Variants in SCN8A observed in about 807,000 individuals in gnomAD.
SCN8A encodes the protein sodium voltage-gated channel alpha subunit 8, also known as sodium channel protein type 8 subunit alpha.
A neutral mutation model predicts 184.1 loss-of-function variants in SCN8A; 30 were observed. The ratio of observed to expected loss-of-function variants is 0.16; its 90% CI spans 0.12 to 0.22. The LOEUF (loss-of-function observed/expected upper bound fraction) is 0.22. Among genes scored for constraint, SCN8A ranks in the 10% least tolerant of loss-of-function variants. The probability of loss-of-function intolerance (pLI) is 1.00; values close to 1 mark genes in which losing one functional copy is unlikely to be tolerated. For synonymous variants in SCN8A, 852 were observed against 907.0 expected (o/e 0.94, Z 1.09); for missense variants, 1,057 against 2,498.9 (o/e 0.42, Z 12.30).
intron 22 of SCN8A, chr12:51,788,450 T>C (rs1938150797): frequency 3.4e-6 from 1 of 293,056 alleles, no homozygotes; most frequent in African/African-American, 2.2e-5. Context: ...TTGAGTCCTT[T>C]CGTAAAGCCT....
intron 12 of SCN8A, among the ~76,000 whole-genome samples, chr12:51,732,383 T>C (rs977913696): frequency 4.6e-5 from 7 of 152,192 alleles, no homozygotes; most frequent in Non-Finnish European, 1.0e-4. Context: ...TCACTGTAGG[T>C]GTGTGGATTT....
chr12:51,776,201 G>A (rs762973706), intron 20 of SCN8A, among the ~76,000 whole-genome samples: 5 of 152,142 alleles, frequency 3.3e-5, no homozygotes, highest in Non-Finnish European at 7.4e-5. Flanking sequence ...TGTTGCCCAG[G>A]CTGGTCTGGA....
intron 12 of SCN8A, among the ~76,000 whole-genome samples, chr12:51,739,348 C>T (rs202025922): frequency 2.0e-5 from 3 of 152,002 alleles, no homozygotes; most frequent in East Asian, 3.9e-4. Flanking sequence ...AGGTGCCGCT[C>T]GAAGAGTCAC....
chr12:51,607,503 G>A (rs940153955), intron 1 of SCN8A, among the ~76,000 whole-genome samples: 1 of 152,096 alleles, frequency 6.6e-6, no homozygotes, highest in African/African-American at 2.4e-5. Flanking sequence ...TTGTCTTCTT[G>A]TTCCAGTTCT....
At chr12:51,749,545 A>G (rs888338359) in intron 13 of SCN8A, among the ~76,000 whole-genome samples, 4 of 152,176 alleles carry the variant, frequency 2.6e-5, no homozygotes, top group East Asian at 1.9e-4. Context: ...GGAGAAAACT[A>G]TATTTACCTT....
chr12:51,734,463 T>G (rs1036787372), intron 12 of SCN8A, among the ~76,000 whole-genome samples: 6 of 152,246 alleles, frequency 3.9e-5, no homozygotes, highest in African/African-American at 7.2e-5. Context: ...GTTGGGCTAG[T>G]TAACTGCAGC....
At chr12:51,643,906 T>C (rs2138636919) in intron 1 of SCN8A, among the ~76,000 whole-genome samples, 1 of 152,364 alleles carries the variant, frequency 6.6e-6, no homozygotes, top group Admixed American at 6.5e-5. Context: ...GCCTGGAATG[T>C]AGTAGACACT....
intron 1 of SCN8A, among the ~76,000 whole-genome samples, chr12:51,642,124 C>T (rs1035913391): frequency 2.0e-5 from 3 of 152,166 alleles, no homozygotes; most frequent in South Asian, 4.1e-4. Flanking sequence ...TTTTTATCAT[C>T]GCCATCATTA....
chr12:51,645,966 T>TAAA (rs1940579360), intron 1 of SCN8A, among the ~76,000 whole-genome samples: 1 of 100,570 alleles, frequency 9.9e-6, no homozygotes. Context: ...AAAAAAAAAA[T>TAAA]AATAATAAAA....
chr12:51,806,833 G>T lies in SCN8A; in HGVS notation c.5347G>T (p.Asp1783Tyr). The T allele has an allele frequency of 6.2e-7, 1 of 1,614,186 alleles. No individual in the cohort carries two copies. Among genetic ancestry groups the T allele is most frequent in the Non-Finnish European group, 8.5e-7 (1 of 1,180,032 alleles). Residue 1783 changes from aspartate (D) to tyrosine (Y), a missense_variant, in exon 27 of 27, where the codon GAT (aspartate) becomes TAT (tyrosine). Physicochemically the swap from Asp to Tyr is radical, Grantham distance 160. Around this residue, in one of 19 missense-constraint regions of SCN8A, gnomAD observed 50 missense variants for 125.8 expected, o/e 0.40. Coordinates refer to ENST00000627620, the MANE Select transcript of SCN8A (RefSeq NM_001330260.2). The surrounding 1 kb of genome is among the most constrained non-coding windows in gnomAD (Gnocchi z 8.7). ...GGAAAGTGCAGACCCTCTGAGTGAGGATGACTTTGAGACCTTCTATGAGAT... is the reference window on the plus strand; with the variant it reads ...GGAAAGTGCAGACCCTCTGAGTGAGTATGACTTTGAGACCTTCTATGAGAT... ...TEESADPLSE[D>Y]DFETFYEIWE...
intron 1 of SCN8A, among the ~76,000 whole-genome samples, chr12:51,602,081 T>G (rs1471626661): frequency 6.6e-6 from 1 of 152,070 alleles, no homozygotes; most frequent in Non-Finnish European, 1.5e-5. Context: ...TTCCACAGTT[T>G]AATCCTAGAA....
At position 51,598,050 on chromosome 12, in the gene SCN8A, T is replaced by C. The variant is rs143010601; in HGVS notation, c.-55+6691T>C. 8.6e-3 allele frequency among the ~76,000 whole-genome samples: 1,307 copies of C among 152,306 alleles called. 25 individuals carry two copies. Among genetic ancestry groups the C allele is most frequent in the African/African-American group, 0.029 (1,225 of 41,560 alleles). On this transcript the variant is annotated intron_variant, in intron 1 of 26. Coordinates refer to ENST00000627620, the MANE Select transcript of SCN8A (RefSeq NM_001330260.2). The stretch of plus-strand genomic sequence containing the variant: ...ATCACATTTGCTACAGATTTCTCAA[T>C]TGGATTTCCTGTGATTTGGTGAATA...
chr12:51,776,858 C>T (rs1440449669), intron 20 of SCN8A, among the ~76,000 whole-genome samples: 8 of 152,230 alleles, frequency 5.3e-5, no homozygotes, highest in Non-Finnish European at 8.8e-5. Flanking sequence ...AATTGATTTT[C>T]ATTCTTCCTT....
At chr12:51,748,671 G>A (rs1267771336) in intron 13 of SCN8A, among the ~76,000 whole-genome samples, 1 of 152,180 alleles carries the variant, frequency 6.6e-6, no homozygotes, top group Non-Finnish European at 1.5e-5. Flanking sequence ...CTCCCCTAGA[G>A]GTAACTGGCC....
chr12:51,737,186 A>G (rs1942340093), intron 12 of SCN8A, among the ~76,000 whole-genome samples: 1 of 152,194 alleles, frequency 6.6e-6, no homozygotes, highest in South Asian at 2.1e-4. Flanking sequence ...TAATTTAACA[A>G]TCCGAGTTTT....
At chr12:51,622,962 A>G (rs1939995634) in intron 1 of SCN8A, among the ~76,000 whole-genome samples, 1 of 152,044 alleles carries the variant, frequency 6.6e-6, no homozygotes, top group African/African-American at 2.4e-5. Flanking sequence ...ATACCATGCT[A>G]TTTATTTTCT....
At chr12:51,623,170 T>C (rs1332887808) in intron 1 of SCN8A, among the ~76,000 whole-genome samples, 1 of 152,208 alleles carries the variant, frequency 6.6e-6, no homozygotes, top group Non-Finnish European at 1.5e-5. Context: ...TTCTTTTTAT[T>C]GGAGAAACCA....
chr12:51,789,298 G>A lies in SCN8A; in HGVS notation c.4299G>A (p.Lys1433=). 6.2e-7 allele frequency: 1 copy of A among 1,613,922 alleles called. No individual in the cohort carries two copies. Among genetic ancestry groups the A allele is most frequent in the Non-Finnish European group, 8.5e-7 (1 of 1,179,852 alleles). The change falls in exon 24 of 27, where the codon AAG becomes AAA. Residue 1433 remains lysine (K), a synonymous_variant. Transcript: ENST00000627620. The part of the protein sequence containing the change: ...VDSRKPDEQP[K]YEDNIYMYIY... Reference sequence around the variant, plus strand: ...TTTGACAGCCTGATGAGCAGCCTAAGTATGAGGACAATATCTACATGTACA... The same window carrying A: ...TTTGACAGCCTGATGAGCAGCCTAAATATGAGGACAATATCTACATGTACA...
chr12:51,731,880 G>A (rs934977384), intron 12 of SCN8A, among the ~76,000 whole-genome samples: 30 of 152,290 alleles, frequency 2.0e-4, no homozygotes, highest in African/African-American at 6.7e-4. Context: ...TTGGAGAAAT[G>A]TCTATTCAAA....
Sources: gnomAD v4.1 joint callset for allele counts (sites outside exome capture counted in the v4.1 genomes callset) on GRCh38, gnomAD v4.1.1 for gene constraint, gnomAD v4.1.1 regional missense constraint, Gnocchi (gnomAD v3.1) non-coding constraint, MANE v1.5 for transcripts, NCBI Gene and HGNC (gene_info 2026-07-23, HGNC 2026-07-21) for gene names.